The following CNTN1 variants were observed in gnomAD, a reference collection of about 807,000 sequenced individuals.
CNTN1 encodes contactin-1.
CNTN1 carries 38 observed loss-of-function variants against 126.4 expected under a neutral mutation model. The ratio of observed to expected loss-of-function variants is 0.30; its 90% confidence interval spans 0.23 to 0.39. The LOEUF is 0.39. Ranked by LOEUF, CNTN1 falls within the 10% of genes least tolerant of loss-of-function variation. CNTN1 has a pLI of 1.00. For synonymous variants in CNTN1, 413 were observed against 422.6 expected (o/e 0.98, Z 0.28); for missense variants, 1,009 against 1,248.4 (o/e 0.81, Z 2.89).
chr12:40,808,684 C>T (rs1288240649), intron 1 of CNTN1, among the ~76,000 whole-genome samples: 1 of 152,106 alleles, frequency 6.6e-6, no homozygotes, highest in Non-Finnish European at 1.5e-5. Flanking sequence ...CTGATCTCAA[C>T]AAACCACTGG....
chr12:40,704,572 T>C (rs1941687844), intron 1 of CNTN1, among the ~76,000 whole-genome samples: 1 of 152,186 alleles, frequency 6.6e-6, no homozygotes, highest in Admixed American at 6.5e-5. Context: ...AATTCACGGA[T>C]GTCCTAGACT....
intron 21 of CNTN1, 115 bp downstream of exon 21, chr12:41,025,451 T>C: frequency 1.0e-6 from 1 of 976,778 alleles, no homozygotes; most frequent in Admixed American, 1.8e-5. Flanking sequence ...TTTTTCAATA[T>C]CCTTTACAGC....
intron 3 of CNTN1, among the ~76,000 whole-genome samples, chr12:40,912,384 T>C (rs1198124309): frequency 7.5e-6 from 1 of 134,104 alleles, no homozygotes; most frequent in African/African-American, 2.9e-5. Flanking sequence ...TAGTCTGCAT[T>C]TACTTTACTT....
chr12:40,775,052 A>T (rs1203332953), intron 1 of CNTN1, among the ~76,000 whole-genome samples: 1 of 151,378 alleles, frequency 6.6e-6, no homozygotes, highest in East Asian at 1.9e-4. Flanking sequence ...AATTATTGTT[A>T]ATTTTGGTCA....
At chr12:41,003,615 A>T (rs1323844854) in intron 17 of CNTN1, among the ~76,000 whole-genome samples, 11 of 150,710 alleles carry the variant, frequency 7.3e-5, no homozygotes, top group African/African-American at 1.5e-4. Flanking sequence ...TTTATTACTA[A>T]CTCAATTTTA....
chr12:40,856,639 A>C (rs1379674342), intron 1 of CNTN1, among the ~76,000 whole-genome samples: 2 of 152,256 alleles, frequency 1.3e-5, no homozygotes, highest in Middle Eastern at 3.4e-3. Context: ...AAATTGATAA[A>C]TTTCAATTTC....
At chr12:40,937,458 G>A (rs1946119095) in intron 10 of CNTN1, 112 bp from the exon 11 acceptor site, 1 of 756,840 alleles carries the variant, frequency 1.3e-6, no homozygotes, top group Admixed American at 1.9e-5. Context: ...AGGTAACAGT[G>A]GGGGCAGATG....
chr12:40,701,349 C>T (rs1052746252), intron 1 of CNTN1, among the ~76,000 whole-genome samples: 10 of 152,100 alleles, frequency 6.6e-5, no homozygotes, highest in African/African-American at 2.2e-4. Flanking sequence ...GACACAAGCA[C>T]CAGAAGTTTT....
At chr12:40,877,178 G>A (rs1198046786) in intron 1 of CNTN1, among the ~76,000 whole-genome samples, 1 of 152,158 alleles carries the variant, frequency 6.6e-6, no homozygotes, top group Non-Finnish European at 1.5e-5. Flanking sequence ...TAAGATTTAA[G>A]TATCTAACTC....
At chr12:41,001,781 A>T (rs543608255) in intron 17 of CNTN1, among the ~76,000 whole-genome samples, 1 of 152,142 alleles carries the variant, frequency 6.6e-6, no homozygotes, top group African/African-American at 2.4e-5. Context: ...TCTTCAATTC[A>T]TCTTGAGTTC....
chr12:40,754,736 T>A (rs1464254628), intron 1 of CNTN1, among the ~76,000 whole-genome samples: 1 of 152,122 alleles, frequency 6.6e-6, no homozygotes, highest in African/African-American at 2.4e-5. Context: ...TTCATAGTTT[T>A]AAAAATTAAA....
chr12:40,951,740 A>AAAAG (rs1946694243), intron 14 of CNTN1, among the ~76,000 whole-genome samples: 1 of 150,506 alleles, frequency 6.6e-6, no homozygotes, highest in South Asian at 2.1e-4. Context: ...AAAAAAAAAA[A>AAAAG]AAGAAGAAAA....
intron 1 of CNTN1, among the ~76,000 whole-genome samples, chr12:40,774,911 T>A (rs1939518443): frequency 6.6e-6 from 1 of 151,684 alleles, no homozygotes; most frequent in South Asian, 2.1e-4. Context: ...GTACATGTGA[T>A]ACTTTGATAT....
At position 40,764,215 on chromosome 12, in the gene CNTN1, G is replaced by A. The variant is rs115759262; in HGVS notation, c.-77+71623G>A. Reference sequence around the variant, plus strand: ...TTTCTGGAAGCTATGGGTTAGGAACGTTAAAGAACAATAGCACCAGGCAGA... The same window carrying A: ...TTTCTGGAAGCTATGGGTTAGGAACATTAAAGAACAATAGCACCAGGCAGA... On this transcript the variant is annotated intron_variant, in intron 1 of 23. Coordinates refer to ENST00000551295, the MANE Select transcript of CNTN1 (RefSeq NM_001843.4). Among the ~76,000 whole-genome samples the A allele has an allele frequency of 4.6e-3, 699 of 152,276 alleles. 2 individuals are homozygous for A. The highest frequency in any genetic ancestry group is 0.017 in the Middle Eastern group (5 of 294).
intron 1 of CNTN1, among the ~76,000 whole-genome samples, chr12:40,905,997 C>A (rs535707062): frequency 6.6e-6 from 1 of 152,168 alleles, no homozygotes; most frequent in Non-Finnish European, 1.5e-5. Flanking sequence ...AATTGTTGGC[C>A]GGGTGCAATG....
intron 1 of CNTN1, among the ~76,000 whole-genome samples, chr12:40,815,152 T>C (rs1055092531): frequency 2.2e-4 from 34 of 152,202 alleles, no homozygotes; most frequent in Admixed American, 5.2e-4. Flanking sequence ...AGATTCCATA[T>C]GAAATTTAAA....
At chr12:40,926,515 T>C (rs918531367) in intron 6 of CNTN1, among the ~76,000 whole-genome samples, 3 of 152,078 alleles carry the variant, frequency 2.0e-5, no homozygotes, top group Non-Finnish European at 4.4e-5. Flanking sequence ...ATTAATACTT[T>C]GGCTTTTACT....
At chr12:40,694,910 G>C (rs1941411667) in intron 1 of CNTN1, among the ~76,000 whole-genome samples, 1 of 152,168 alleles carries the variant, frequency 6.6e-6, no homozygotes, top group African/African-American at 2.4e-5. Flanking sequence ...TGGGCGCATA[G>C]TGGGTCATTA....
At chr12:40,916,523 C>T (rs1945251752) in intron 3 of CNTN1, among the ~76,000 whole-genome samples, 2 of 151,924 alleles carry the variant, frequency 1.3e-5, no homozygotes, top group South Asian at 4.1e-4. Flanking sequence ...TCATTTTTTC[C>T]CTGCTGTGCT....
Sources: allele counts gnomAD v4.1 joint callset (sites outside exome capture counted in the v4.1 genomes callset), GRCh38; gene constraint gnomAD v4.1.1; transcripts MANE v1.5; gene names NCBI Gene and HGNC (gene_info 2026-07-23, HGNC 2026-07-21).